CDH12: variants seen among roughly 807,000 people sequenced by gnomAD.
The protein encoded by CDH12 is cadherin-12.
In CDH12, 41 loss-of-function variants were observed where a neutral mutation model predicts 74.1. The observed-to-expected ratio is 0.55, with a 90% CI of 0.43 to 0.72. The LOEUF (loss-of-function observed/expected upper bound fraction) is 0.72, where lower values mean the gene tolerates loss of function less well. CDH12 is among the 30% of genes least tolerant of loss of function. CDH12 has a pLI of 0.00. For synonymous variants in CDH12, 399 were observed against 355.0 expected (o/e 1.12, Z -1.39); for missense variants, 945 against 977.2 (o/e 0.97, Z 0.44).
chr5:22,519,096 G>A (rs1261798164), intron 1 of CDH12, among the ~76,000 whole-genome samples: 1 of 152,190 alleles, frequency 6.6e-6, no homozygotes, highest in African/African-American at 2.4e-5. Flanking sequence ...TTGGCAACTA[G>A]GACTCATGTC....
intron 8 of CDH12, among the ~76,000 whole-genome samples, chr5:21,836,342 T>C (rs1232011211): frequency 6.6e-6 from 1 of 151,708 alleles, no homozygotes; most frequent in Non-Finnish European, 1.5e-5. Context: ...TGCTTTAAAA[T>C]GTTGTTGTAT....
chr5:21,969,706 A>G (rs1282148153), intron 6 of CDH12, among the ~76,000 whole-genome samples: 1 of 152,212 alleles, frequency 6.6e-6, no homozygotes, highest in African/African-American at 2.4e-5. Flanking sequence ...AAACTTAAGT[A>G]TCTGCTGTTT....
chr5:22,828,417 G>A (rs984592502), intron 1 of CDH12, among the ~76,000 whole-genome samples: 1 of 152,082 alleles, frequency 6.6e-6, no homozygotes, highest in African/African-American at 2.4e-5. Flanking sequence ...ATGTCACTGG[G>A]ATCTGCCATT....
rs552116317 is a variant in CDH12, at chr5:21,822,652, C to T, written c.815-5520G>A. On this transcript the variant is annotated intron_variant, in intron 8 of 14. Coordinates refer to ENST00000382254, the MANE Select transcript of CDH12 (RefSeq NM_004061.5). ...AATAACAGAAACATCCACTGCTGCT[C>T]ATTCCCAGGATGAGGCTAGGATGGG... Among the ~76,000 whole-genome samples, 297 of 152,184 alleles carry T rather than the reference C, an allele frequency of 2.0e-3. 1 individual carries two copies. Among genetic ancestry groups the T allele is most frequent in the Middle Eastern group, 3.4e-3 (1 of 292 alleles).
intron 3 of CDH12, among the ~76,000 whole-genome samples, chr5:22,292,623 A>AACACAC (rs35149500): frequency 1.1e-4 from 17 of 149,738 alleles, no homozygotes; most frequent in South Asian, 2.1e-4. Flanking sequence ...ATGCTTCTCA[A>AACACAC]ACACACACAC....
chr5:22,015,167 A>G (rs1737524801), intron 5 of CDH12, among the ~76,000 whole-genome samples: 1 of 152,186 alleles, frequency 6.6e-6, no homozygotes, highest in African/African-American at 2.4e-5. Context: ...TTTAATTAGG[A>G]GATGACATTA....
In CDH12 at chr5:22,743,286, ATATATG is replaced by A. The variant is rs1339233575; in HGVS notation, c.-523+109766_-523+109771del. Reference sequence around the variant, plus strand: ...TATATATATATATATATATATGTATATATATGTATATGTATATATATGTATATGTAT... The same window carrying A: ...TATATATATATATATATATATGTATATATATGTATATATATGTATATGTAT... On this transcript the variant is annotated intron_variant, in intron 1 of 14. Coordinates refer to ENST00000382254, the MANE Select transcript of CDH12 (RefSeq NM_004061.5). 7.5e-5 allele frequency among the ~76,000 whole-genome samples: 11 copies of A among 147,590 alleles called. No homozygotes were observed. The East Asian group carries it at 9.8e-4, about 13-fold the overall frequency.
At chr5:22,178,970 C>T (rs1749487383) in intron 4 of CDH12, among the ~76,000 whole-genome samples, 1 of 152,204 alleles carries the variant, frequency 6.6e-6, no homozygotes, top group Non-Finnish European at 1.5e-5. Flanking sequence ...GAGGTGAGGA[C>T]TCAAGTGGGT....
intron 3 of CDH12, among the ~76,000 whole-genome samples, chr5:22,278,912 A>T (rs1438675783): frequency 1.3e-5 from 2 of 152,170 alleles, no homozygotes; most frequent in Non-Finnish European, 2.9e-5. Context: ...ATGAATTCAC[A>T]AGGTCTTTGA....
rs752782183 is a variant in CDH12, at chr5:22,705,130, T to TATACACACACAC, written c.-523+147927_-523+147928insGTGTGTGTGTAT. ...CCCCACCCAGTCATATATATATATATACACACACACACACACACACACACA... is the reference window on the plus strand; with the variant it reads ...CCCCACCCAGTCATATATATATATATATACACACACACACACACACACACACACACACACACA... On this transcript the variant is annotated intron_variant, in intron 1 of 14. Transcript: ENST00000382254. Among the ~76,000 whole-genome samples, 84 of 125,618 alleles carry TATACACACACAC rather than the reference T, an allele frequency of 6.7e-4. 1 individual carries two copies. Among genetic ancestry groups the TATACACACACAC allele is most frequent in the African/African-American group, 2.3e-3 (77 of 32,796 alleles). The allele number at this position is 125,618 out of a possible 152,430, so 82.4% of individuals were successfully genotyped here. A position where few individuals can be genotyped will look rare whatever the true frequency, so the allele number is the denominator to read the frequency against.
chr5:22,354,714 G>A (rs1259670179), intron 3 of CDH12, among the ~76,000 whole-genome samples: 1 of 152,084 alleles, frequency 6.6e-6, no homozygotes, highest in Non-Finnish European at 1.5e-5. Context: ...TTTCATTGGG[G>A]AAAAATATTT....
chr5:21,834,786 T>C (rs78490051), intron 8 of CDH12, among the ~76,000 whole-genome samples: 2,713 of 152,130 alleles, frequency 0.018, 81 homozygotes, highest in African/African-American at 0.062. Flanking sequence ...TAATTATACA[T>C]TAACCTTGCT....
At chr5:22,410,882 G>A (rs1430554442) in intron 2 of CDH12, among the ~76,000 whole-genome samples, 2 of 152,042 alleles carry the variant, frequency 1.3e-5, no homozygotes, top group African/African-American at 2.4e-5. Flanking sequence ...CCCAATGAAG[G>A]CTGGGGGAAG....
chr5:22,187,612 A>T lies in CDH12; in HGVS notation c.-187+24886T>A, dbSNP rs1241978216. Among the ~76,000 whole-genome samples the T allele has an allele frequency of 2.0e-5, 3 of 149,938 alleles. No individual in the cohort carries two copies. In the East Asian group the frequency reaches 5.8e-4, roughly 29 times the overall value. On this transcript the variant is annotated intron_variant, in intron 4 of 14. Coordinates refer to ENST00000382254, the MANE Select transcript of CDH12 (RefSeq NM_004061.5). ...ATTTCTTCCTGTGCTGTCACATAAG[A>T]TATACTCCACATAAAAATAAAGAAC...
At chr5:22,589,025 C>A (rs960565009) in intron 1 of CDH12, among the ~76,000 whole-genome samples, 2 of 152,082 alleles carry the variant, frequency 1.3e-5, no homozygotes, top group East Asian at 1.9e-4. Flanking sequence ...GTCTTTCATA[C>A]CTTTCTCTAG....
At chr5:21,874,380 G>C (rs186243500) in intron 6 of CDH12, among the ~76,000 whole-genome samples, 1 of 152,118 alleles carries the variant, frequency 6.6e-6, no homozygotes, top group Admixed American at 6.5e-5. Context: ...GAAGGTGACC[G>C]CATCCACCTT....
chr5:22,315,656 T>C (rs72744805), intron 3 of CDH12, among the ~76,000 whole-genome samples: 14,179 of 152,206 alleles, frequency 0.093, 692 homozygotes, highest in South Asian at 0.16. Context: ...GACTGGATTC[T>C]ATCCTAGCTA....
At chr5:22,514,913 A>G (rs963122689) in intron 1 of CDH12, among the ~76,000 whole-genome samples, 1 of 152,196 alleles carries the variant, frequency 6.6e-6, no homozygotes, top group Non-Finnish European at 1.5e-5. Context: ...AGATGTGATT[A>G]TGTTTTACTT....
intron 5 of CDH12, among the ~76,000 whole-genome samples, chr5:22,061,324 T>C (rs2150206276): frequency 6.6e-6 from 1 of 152,286 alleles, no homozygotes; most frequent in South Asian, 2.1e-4. Flanking sequence ...GAAACATATA[T>C]AGTTAGTACC....
Sources: allele counts gnomAD v4.1 joint callset (sites outside exome capture counted in the v4.1 genomes callset), GRCh38; gene constraint gnomAD v4.1.1; transcripts MANE v1.5; gene names NCBI Gene and HGNC (gene_info 2026-07-23, HGNC 2026-07-21).